Variants in IL1RAPL1 observed in about 807,000 individuals in gnomAD.
The protein encoded by IL1RAPL1 is interleukin-1 receptor accessory protein-like 1.
IL1RAPL1 carries 3 observed loss-of-function variants against 48.4 expected under a neutral mutation model. The ratio of observed to expected loss-of-function variants is 0.06; its 90% CI spans 0.03 to 0.16. IL1RAPL1 has a LOEUF of 0.16. Ranked by LOEUF, IL1RAPL1 falls within the 10% of genes least tolerant of loss-of-function variation. The pLI is 1.00. For synonymous variants in IL1RAPL1, 185 were observed against 187.7 expected, an observed-to-expected ratio of 0.99 and a Z score of 0.12; for missense variants, 349 against 530.6, an observed-to-expected ratio of 0.66 and a Z score of 3.36.
chrX:29,556,023 G>A (rs1230405622), intron 5 of IL1RAPL1, among the ~76,000 whole-genome samples: 2 of 111,731 alleles, frequency 1.8e-5, no homozygotes, highest in Admixed American at 1.9e-4. Context: ...TTCACACTCT[G>A]CCTTAGCCAC....
chrX:29,079,995 G>T (rs777014431), intron 2 of IL1RAPL1, among the ~76,000 whole-genome samples: 97 of 111,733 alleles, frequency 8.7e-4, no homozygotes, highest in Admixed American at 2.7e-3. Flanking sequence ...ACGGAGTGGT[G>T]TTCCTATTCT....
intron 3 of IL1RAPL1, among the ~76,000 whole-genome samples, chrX:29,334,355 G>A (rs1932943128): frequency 1.0e-5 from 1 of 95,836 alleles, no homozygotes; most frequent in Non-Finnish European, 2.1e-5. Flanking sequence ...CCTGGACGGG[G>A]CGACTGGCCG....
chrX:29,498,158 T>TCC (rs1270203838), intron 5 of IL1RAPL1, among the ~76,000 whole-genome samples: 1 of 112,279 alleles, frequency 8.9e-6, no homozygotes, highest in East Asian at 2.8e-4. Flanking sequence ...TTATTTCTCC[T>TCC]TTGACAGTCG....
chrX:29,390,164 C>T (rs1459913871), intron 3 of IL1RAPL1, among the ~76,000 whole-genome samples: 3 of 112,034 alleles, frequency 2.7e-5, no homozygotes, highest in African/African-American at 9.7e-5. Flanking sequence ...CTTTTTGATT[C>T]CTAACACTTT....
intron 2 of IL1RAPL1, among the ~76,000 whole-genome samples, chrX:28,945,903 A>ATGTGTG (rs202162763): frequency 4.4e-4 from 43 of 97,649 alleles, no homozygotes; most frequent in East Asian, 1.0e-3. Context: ...ATATATATAT[A>ATGTGTG]TGTGTGTGTG....
At chrX:29,751,340 A>G (rs1928457248) in intron 6 of IL1RAPL1, among the ~76,000 whole-genome samples, 2 of 111,603 alleles carry the variant, frequency 1.8e-5, no homozygotes, top group South Asian at 7.4e-4. Context: ...ACCAAAATAA[A>G]TAACTGCTTA....
At chrX:28,960,883 G>T (rs1924751996) in intron 2 of IL1RAPL1, among the ~76,000 whole-genome samples, 1 of 108,700 alleles carries the variant, frequency 9.2e-6, no homozygotes, top group Non-Finnish European at 1.9e-5. Flanking sequence ...GGTGGCGGGC[G>T]CCTGTAGTCC....
chrX:28,814,789 T>C (rs1338330913), intron 2 of IL1RAPL1, among the ~76,000 whole-genome samples: 2 of 44,158 alleles, frequency 4.5e-5, no homozygotes, highest in Admixed American at 2.8e-4. Context: ...CTGGCTTTGA[T>C]TGAGCATTTA....
At chrX:29,689,178 A>C (rs1926711412) in intron 6 of IL1RAPL1, among the ~76,000 whole-genome samples, 1 of 111,789 alleles carries the variant, frequency 8.9e-6, no homozygotes, top group Non-Finnish European at 1.9e-5. Context: ...TCACAAATAA[A>C]ATCTCGGAGA....
At chrX:28,884,876 C>T (rs952463190) in intron 2 of IL1RAPL1, among the ~76,000 whole-genome samples, 1 of 111,460 alleles carries the variant, frequency 9.0e-6, no homozygotes, top group African/African-American at 3.2e-5. Flanking sequence ...GTTTTTGTGT[C>T]ATGCTTGCCT....
chrX:29,311,292 C>T (rs935349352), intron 3 of IL1RAPL1, among the ~76,000 whole-genome samples: 8 of 111,703 alleles, frequency 7.2e-5, no homozygotes, highest in Non-Finnish European at 1.5e-4. Context: ...TAAATGTAAT[C>T]GATATGAATC....
intron 2 of IL1RAPL1, among the ~76,000 whole-genome samples, chrX:29,099,487 T>G (rs1195068293): frequency 1.8e-5 from 2 of 112,052 alleles, no homozygotes; most frequent in Non-Finnish European, 3.8e-5. Flanking sequence ...ATTACTAAAT[T>G]TCAAAATTAC....
intron 6 of IL1RAPL1, among the ~76,000 whole-genome samples, chrX:29,803,108 TATGTATATATGTGTATAC>T (rs1361159250): frequency 1.1e-5 from 1 of 92,736 alleles, no homozygotes; most frequent in African/African-American, 3.9e-5. Flanking sequence ...TGTATACATA[TATGTATATATGTGTATAC>T]ATGTATGCAT....
At chrX:29,409,754 ATAT>A (rs1448563741) in intron 5 of IL1RAPL1, among the ~76,000 whole-genome samples, 1 of 110,846 alleles carries the variant, frequency 9.0e-6, no homozygotes, top group African/African-American at 3.3e-5. Context: ...GAAAAATTAA[ATAT>A]TAATAATTAG....
intron 1 of IL1RAPL1, among the ~76,000 whole-genome samples, chrX:28,717,904 A>C: frequency 9.0e-6 from 1 of 111,518 alleles, no homozygotes; most frequent in Admixed American, 9.6e-5. Flanking sequence ...CTAATGTAGT[A>C]TTTTCCACAA....
At chrX:28,822,353 G>T (rs1185329308) in intron 2 of IL1RAPL1, among the ~76,000 whole-genome samples, 1 of 111,594 alleles carries the variant, frequency 9.0e-6, no homozygotes, top group African/African-American at 3.3e-5. Context: ...TTTAAAAGGG[G>T]TGTAGAAACA....
chrX:28,894,053 C>T (rs1312333689), intron 2 of IL1RAPL1, among the ~76,000 whole-genome samples: 1 of 111,956 alleles, frequency 8.9e-6, no homozygotes, highest in Non-Finnish European at 1.9e-5. Flanking sequence ...TGAATGACTC[C>T]GGCTTCCTTT....
chrX:29,256,634 T>C (rs1472589539), intron 2 of IL1RAPL1, among the ~76,000 whole-genome samples: 1 of 111,687 alleles, frequency 9.0e-6, no homozygotes, highest in Non-Finnish European at 1.9e-5. Flanking sequence ...CAGTGACACA[T>C]ATTTCAGTGT....
intron 5 of IL1RAPL1, among the ~76,000 whole-genome samples, chrX:29,567,205 A>T (rs1356888698): frequency 9.1e-6 from 1 of 109,956 alleles, no homozygotes; most frequent in Non-Finnish European, 1.9e-5. Context: ...GAAAGAAAAG[A>T]CAGACTACCT....
Sources: allele counts gnomAD v4.1 joint callset (sites outside exome capture counted in the v4.1 genomes callset), GRCh38; gene constraint gnomAD v4.1.1; transcripts MANE v1.5; gene names NCBI Gene and HGNC (gene_info 2026-07-23, HGNC 2026-07-21).